The following KCNC2 variants were observed in gnomAD, a reference collection of about 807,000 sequenced individuals.
The protein encoded by KCNC2 is potassium voltage-gated channel subfamily C member 2, also known as voltage-gated potassium channel KCNC2.
KCNC2 carries 21 observed loss-of-function variants against 44.5 expected under a neutral mutation model. That is an observed-to-expected ratio of 0.47 (90% CI 0.33 to 0.68). The LOEUF is 0.68. Among genes scored for constraint, KCNC2 ranks in the 30% least tolerant of loss-of-function variants. KCNC2 has a pLI of 0.01. For missense variants in KCNC2, 589 were observed against 826.2 expected, an observed-to-expected ratio of 0.71 and a Z score of 3.52; for synonymous variants, 391 against 339.1, an observed-to-expected ratio of 1.15 and a Z score of -1.68.
intron 2 of KCNC2, among the ~76,000 whole-genome samples, chr12:75,051,817 G>A (rs1008379631): frequency 6.6e-6 from 1 of 151,840 alleles, no homozygotes; most frequent in Non-Finnish European, 1.5e-5. Flanking sequence ...TCTGGATATC[G>A]TATGGTAACA....
At chr12:75,206,785 C>T (rs952940830) in intron 2 of KCNC2, among the ~76,000 whole-genome samples, 1 of 152,204 alleles carries the variant, frequency 6.6e-6, no homozygotes, top group South Asian at 2.1e-4. Context: ...TCCACCTCCC[C>T]AGACACATAG....
chr12:75,054,845 G>A (rs1413721124), intron 2 of KCNC2, among the ~76,000 whole-genome samples: 3 of 152,196 alleles, frequency 2.0e-5, no homozygotes, highest in Non-Finnish European at 4.4e-5. Flanking sequence ...ATGAATGGGT[G>A]ACCCAGTGGC....
chr12:75,048,396 C>T (rs1880782606), intron 3 of KCNC2, 79 bp from the exon 4 acceptor site: 11 of 1,198,142 alleles, frequency 9.2e-6, no homozygotes, highest in Middle Eastern at 2.3e-4. Flanking sequence ...CACAGAATGC[C>T]GGTAGTCCAG....
At chr12:75,203,234 G>A (rs1159757026) in intron 2 of KCNC2, among the ~76,000 whole-genome samples, 1 of 151,638 alleles carries the variant, frequency 6.6e-6, no homozygotes, top group Non-Finnish European at 1.5e-5. Flanking sequence ...TTTAGATCAT[G>A]TCTTTCTTGT....
chr12:75,154,310 G>T (rs557734615), intron 2 of KCNC2, among the ~76,000 whole-genome samples: 1 of 152,016 alleles, frequency 6.6e-6, no homozygotes, highest in Admixed American at 6.6e-5. Context: ...TTGAAATACT[G>T]GCATCTCAAA....
At chr12:75,156,130 C>T (rs1890740429) in intron 2 of KCNC2, among the ~76,000 whole-genome samples, 1 of 151,756 alleles carries the variant, frequency 6.6e-6, no homozygotes. Context: ...TGCAGACATC[C>T]TGGAAATGTC....
chr12:75,044,085 C>A (rs560258117), intron 4 of KCNC2, among the ~76,000 whole-genome samples: 59 of 152,042 alleles, frequency 3.9e-4, no homozygotes, highest in African/African-American at 1.3e-3. Context: ...GCTACTTAAG[C>A]AACCCTATCA....
chr12:75,096,816 G>A (rs1220033146), intron 2 of KCNC2, among the ~76,000 whole-genome samples: 1 of 152,144 alleles, frequency 6.6e-6, no homozygotes, highest in Non-Finnish European at 1.5e-5. Context: ...CAGGTCATAA[G>A]GTTTAGCCCA....
chr12:75,174,968 A>C (rs2471653), intron 2 of KCNC2, among the ~76,000 whole-genome samples: 1 of 151,294 alleles, frequency 6.6e-6, no homozygotes, highest in Non-Finnish European at 1.5e-5. Context: ...GGTGATAGCA[A>C]TAATAAACAC....
intron 2 of KCNC2, among the ~76,000 whole-genome samples, chr12:75,135,108 T>C (rs906248521): frequency 1.3e-5 from 2 of 152,024 alleles, no homozygotes; most frequent in Non-Finnish European, 2.9e-5. Flanking sequence ...TTGATTCTTA[T>C]GGCCCAGGGT....
At chr12:75,114,079 A>C (rs1355824145) in intron 2 of KCNC2, among the ~76,000 whole-genome samples, 1 of 152,226 alleles carries the variant, frequency 6.6e-6, no homozygotes, top group African/African-American at 2.4e-5. Flanking sequence ...AGAAAATTTA[A>C]TTAATCTAAT....
chr12:75,170,964 A>G (rs1365736945), intron 2 of KCNC2, among the ~76,000 whole-genome samples: 2 of 151,652 alleles, frequency 1.3e-5, no homozygotes, highest in African/African-American at 4.8e-5. Context: ...AAGTTCCTGT[A>G]TTCTTGCTAG....
At chr12:75,065,689 G>A (rs1882762658) in intron 2 of KCNC2, among the ~76,000 whole-genome samples, 2 of 152,060 alleles carry the variant, frequency 1.3e-5, no homozygotes, top group Non-Finnish European at 2.9e-5. Context: ...GCCTAGAAGT[G>A]TAGTAGGCAA....
At chr12:75,129,522 C>T (rs1408807853) in intron 2 of KCNC2, among the ~76,000 whole-genome samples, 1 of 152,112 alleles carries the variant, frequency 6.6e-6, no homozygotes, top group East Asian at 1.9e-4. Context: ...GCTTTGTAAA[C>T]ACACAGGGCT....
At chr12:75,127,035 TG>T (rs1390503345) in intron 2 of KCNC2, among the ~76,000 whole-genome samples, 1 of 152,184 alleles carries the variant, frequency 6.6e-6, no homozygotes, top group South Asian at 2.1e-4. Context: ...GTTAATGTAT[TG>T]TGTATTTCTA....
At position 75,050,414 on chromosome 12, in the gene KCNC2, G is replaced by A. The variant is rs770646073; in HGVS notation, c.1591C>T (p.Arg531Ter). Residue 531 changes from arginine to a stop codon, truncating the protein, a stop_gained, in exon 3 of 5, where the codon CGA (arginine) becomes TGA (stop). Coordinates refer to ENST00000549446, the MANE Select transcript of KCNC2 (RefSeq NM_139137.4). LOFTEE classifies it high-confidence loss of function. Reference sequence around the variant, plus strand: ...CCTGATCTGTTATGTTCCAGAAGTCGATTGTCTTTGCCCAGACATGTGTCA... The same window carrying A: ...CCTGATCTGTTATGTTCCAGAAGTCAATTGTCTTTGCCCAGACATGTGTCA... Reference protein sequence around the residue: ...QSDTCLGKDNRLLEHNRSVLS... With the variant: ...QSDTCLGKDN 4 of 1,611,710 alleles carry A rather than the reference G, an allele frequency of 2.5e-6. No homozygotes were observed. The highest frequency in any genetic ancestry group is 1.1e-5 in the South Asian group (1 of 90,828).
Position 75,042,623 on chromosome 12 carries a change from G to T in KCNC2, c.*482C>A. The T allele has an allele frequency of 7.9e-7, 1 of 1,264,028 alleles. No homozygotes were observed. Among genetic ancestry groups the T allele is most frequent in the South Asian group, 2.2e-5 (1 of 44,624 alleles). The allele number at this position is 1,264,028 out of a possible 1,614,324, so 78.3% of individuals were successfully genotyped here. A position where few individuals can be genotyped will look rare whatever the true frequency, so the allele number is the denominator to read the frequency against. The stretch of plus-strand genomic sequence containing the variant: ...GAGCTATCCACAGTCCCCGAACTCT[G>T]CAACATTGCTTTCAGGTGATAGAGA... On this transcript the variant is annotated 3_prime_UTR_variant, in exon 5 of 5. Transcript: ENST00000549446.
At chr12:75,120,858 T>C (rs935365887) in intron 2 of KCNC2, among the ~76,000 whole-genome samples, 1 of 152,212 alleles carries the variant, frequency 6.6e-6, no homozygotes, top group Non-Finnish European at 1.5e-5. Context: ...TCCATTGCAA[T>C]ACTTTTTCCT....
intron 2 of KCNC2, among the ~76,000 whole-genome samples, chr12:75,183,551 A>G (rs1384608469): frequency 6.6e-6 from 1 of 152,236 alleles, no homozygotes; most frequent in Non-Finnish European, 1.5e-5. Context: ...TGGAAATGAA[A>G]GCAAACTTTA....
Sources: gnomAD v4.1 joint callset for allele counts (sites outside exome capture counted in the v4.1 genomes callset) on GRCh38, gnomAD v4.1.1 for gene constraint, MANE v1.5 for transcripts, NCBI Gene and HGNC (gene_info 2026-07-23, HGNC 2026-07-21) for gene names.